Variants in CREB5 observed in about 807,000 individuals in gnomAD.
The protein encoded by CREB5 is cyclic AMP-responsive element-binding protein 5.
In CREB5, 19 loss-of-function variants were observed where a neutral mutation model predicts 57.1. That is an observed-to-expected ratio of 0.33 (90% CI 0.23 to 0.49). The LOEUF (loss-of-function observed/expected upper bound fraction) is 0.49. Ranked by LOEUF, CREB5 falls within the 20% of genes least tolerant of loss-of-function variation. The probability of loss-of-function intolerance (pLI) is 0.99; values close to 1 mark genes in which losing one functional copy is unlikely to be tolerated. For synonymous variants in CREB5, 238 were observed against 238.3 expected, an observed-to-expected ratio of 1.00 and a Z score of 0.01; for missense variants, 579 against 671.6, an observed-to-expected ratio of 0.86 and a Z score of 1.52.
At chr7:28,335,378 T>C (rs544403750) in intron 1 of CREB5, among the ~76,000 whole-genome samples, 87 of 152,242 alleles carry the variant, frequency 5.7e-4, no homozygotes, top group African/African-American at 2.1e-3. Context: ...CTTTTATCAA[T>C]CTTTTATAGT....
chr7:28,580,324 T>A (rs1796067529), intron 5 of CREB5, among the ~76,000 whole-genome samples: 1 of 151,644 alleles, frequency 6.6e-6, no homozygotes, highest in African/African-American at 2.4e-5. Context: ...AAGTCTGGAA[T>A]TGGAGAAAGT....
chr7:28,788,221 C>A (rs1807449676), intron 7 of CREB5, among the ~76,000 whole-genome samples: 1 of 151,978 alleles, frequency 6.6e-6, no homozygotes, highest in Admixed American at 6.6e-5. Flanking sequence ...GTGTCCCTAC[C>A]CACTAGATGC....
chr7:28,778,254 T>C (rs566781834), intron 7 of CREB5, among the ~76,000 whole-genome samples: 23 of 152,332 alleles, frequency 1.5e-4, no homozygotes, highest in African/African-American at 5.5e-4. Context: ...ATTCGATTAG[T>C]AAAAAGGTAT....
chr7:28,564,816 C>G (rs1795416795), intron 4 of CREB5, among the ~76,000 whole-genome samples: 1 of 152,158 alleles, frequency 6.6e-6, no homozygotes, highest in African/African-American at 2.4e-5. Context: ...TTTTGGGAGG[C>G]TCACTTCTAC....
At chr7:28,651,484 G>C (rs184127156) in intron 5 of CREB5, among the ~76,000 whole-genome samples, 6 of 152,276 alleles carry the variant, frequency 3.9e-5, no homozygotes, top group African/African-American at 1.4e-4. Flanking sequence ...GCTCATGCCT[G>C]TAATCTCAGC....
At chr7:28,398,562 T>C (rs1159510489) in intron 1 of CREB5, among the ~76,000 whole-genome samples, 1 of 152,222 alleles carries the variant, frequency 6.6e-6, no homozygotes, top group Non-Finnish European at 1.5e-5. Context: ...CCATAGCTAA[T>C]AGGGAGAATA....
At chr7:28,757,785 A>AT (rs1282790336) in intron 7 of CREB5, among the ~76,000 whole-genome samples, 2 of 151,986 alleles carry the variant, frequency 1.3e-5, no homozygotes, top group African/African-American at 4.8e-5. Context: ...CAGATTTCAG[A>AT]TTTTTTTCAG....
chr7:28,325,039 T>C (rs1207049156), intron 1 of CREB5, among the ~76,000 whole-genome samples: 1 of 152,212 alleles, frequency 6.6e-6, no homozygotes, highest in Non-Finnish European at 1.5e-5. Flanking sequence ...AATGCATCAC[T>C]CTACTACATA....
chr7:28,734,206 C>CAAA (rs61403862), intron 7 of CREB5, among the ~76,000 whole-genome samples: 34 of 96,386 alleles, frequency 3.5e-4, no homozygotes, highest in African/African-American at 1.1e-3. Flanking sequence ...TTCAGTAGTT[C>CAAA]AAAAAAAAAA....
chr7:28,410,169 AG>A, upstream of CREB5: 2 of 428,374 alleles, frequency 4.7e-6, no homozygotes, highest in Non-Finnish European at 9.3e-6. Context: ...GCGCCCGGGG[AG>A]GGGAGGTCGC....
At chr7:28,390,232 G>A (rs953783127) in intron 1 of CREB5, among the ~76,000 whole-genome samples, 3 of 152,072 alleles carry the variant, frequency 2.0e-5, no homozygotes, top group Non-Finnish European at 4.4e-5. Context: ...CAGCAAGAAC[G>A]GTGTTCACGG....
intron 7 of CREB5, among the ~76,000 whole-genome samples, chr7:28,803,898 A>G (rs1043526326): frequency 3.3e-5 from 5 of 152,180 alleles, no homozygotes; most frequent in Admixed American, 6.5e-5. Context: ...TGATTGGATA[A>G]TAGGAAATAC....
chr7:28,654,601 G>C (rs1444084003), intron 5 of CREB5, among the ~76,000 whole-genome samples: 1 of 152,146 alleles, frequency 6.6e-6, no homozygotes, highest in Non-Finnish European at 1.5e-5. Context: ...TTTCTGTACT[G>C]CATTTTGTAA....
intron 1 of CREB5, among the ~76,000 whole-genome samples, chr7:28,487,696 G>A (rs1284672872): frequency 1.3e-5 from 2 of 152,160 alleles, no homozygotes; most frequent in Admixed American, 6.5e-5. Flanking sequence ...GGTTGTGGGT[G>A]TCTCATTTCA....
upstream of CREB5, chr7:28,410,532 G>A (rs755751483): frequency 2.2e-4 from 100 of 456,672 alleles, 2 homozygotes; most frequent in South Asian, 1.3e-3. Context: ...TTATTTTTAA[G>A]GGGCGTCTGG....
chr7:28,654,801 A>G (rs1799272925), intron 5 of CREB5, among the ~76,000 whole-genome samples: 1 of 152,200 alleles, frequency 6.6e-6, no homozygotes, highest in Non-Finnish European at 1.5e-5. Flanking sequence ...ACACGCAGTA[A>G]AAGTCTAAAG....
At chr7:28,542,373 G>A (rs966824063) in intron 4 of CREB5, among the ~76,000 whole-genome samples, 1 of 152,090 alleles carries the variant, frequency 6.6e-6, no homozygotes, top group African/African-American at 2.4e-5. Flanking sequence ...ACCCCTCTTC[G>A]GGGGGCAGGG....
chr7:28,703,618 A>G (rs1801968829), intron 5 of CREB5, among the ~76,000 whole-genome samples: 1 of 152,170 alleles, frequency 6.6e-6, no homozygotes, highest in Non-Finnish European at 1.5e-5. Context: ...AGAAGCACCA[A>G]TGGTGTTGCT....
At chr7:28,532,589 T>G (rs1583587975) in intron 4 of CREB5, among the ~76,000 whole-genome samples, 1 of 152,024 alleles carries the variant, frequency 6.6e-6, no homozygotes, top group Non-Finnish European at 1.5e-5. Flanking sequence ...GATCGGAAGG[T>G]TTTCTTTGTT....
Sources: allele counts gnomAD v4.1 joint callset (sites outside exome capture counted in the v4.1 genomes callset), GRCh38; gene constraint gnomAD v4.1.1; transcripts MANE v1.5; gene names NCBI Gene and HGNC (gene_info 2026-07-23, HGNC 2026-07-21).